Variants in ITGA8 observed in about 807,000 individuals in gnomAD.
The protein encoded by ITGA8 is integrin alpha-8.
Under a neutral mutation model 142.3 loss-of-function variants are expected in ITGA8, and 91 were observed. That is an observed-to-expected ratio of 0.64 (90% CI 0.54 to 0.76). ITGA8 has a LOEUF of 0.76. Among genes scored for constraint, ITGA8 ranks in the 30% least tolerant of loss-of-function variants. The pLI, the probability that ITGA8 is intolerant of heterozygous loss-of-function variation, is 0.00. For missense variants in ITGA8, 1,406 were observed against 1,327.7 expected, an observed-to-expected ratio of 1.06 and a Z score of -0.92; for synonymous variants, 505 against 485.2, an observed-to-expected ratio of 1.04 and a Z score of -0.54.
chr10:15,665,630 TA>T (rs1160441774), intron 8 of ITGA8, among the ~76,000 whole-genome samples: 1 of 152,234 alleles, frequency 6.6e-6, no homozygotes, highest in African/African-American at 2.4e-5. Context: ...GGTTTTCTTC[TA>T]GGGTTTTTAT....
At chr10:15,579,596 A>G (rs1424936304) in intron 23 of ITGA8, among the ~76,000 whole-genome samples, 1 of 152,102 alleles carries the variant, frequency 6.6e-6, no homozygotes, top group Non-Finnish European at 1.5e-5. Flanking sequence ...TTAATTGTAA[A>G]TTTTGAAAAG....
At chr10:15,630,455 A>C (rs2131633240) in intron 13 of ITGA8, among the ~76,000 whole-genome samples, 2 of 152,188 alleles carry the variant, frequency 1.3e-5, no homozygotes, top group East Asian at 3.9e-4. Flanking sequence ...GTCTCAACTA[A>C]TACAGTGTCC....
intron 2 of ITGA8, among the ~76,000 whole-genome samples, chr10:15,705,953 C>T (rs962029943): frequency 1.3e-5 from 2 of 152,146 alleles, no homozygotes; most frequent in Non-Finnish European, 2.9e-5. Context: ...CTCTTTTCTG[C>T]TCTTGTGTCT....
intron 15 of ITGA8, among the ~76,000 whole-genome samples, chr10:15,610,884 G>C: frequency 6.6e-6 from 1 of 152,118 alleles, no homozygotes; most frequent in Non-Finnish European, 1.5e-5. Flanking sequence ...CTAAAATGAA[G>C]TATTTCGCTA....
chr10:15,542,384 T>C (rs1833587360), intron 27 of ITGA8, among the ~76,000 whole-genome samples: 1 of 152,226 alleles, frequency 6.6e-6, no homozygotes, highest in African/African-American at 2.4e-5. Flanking sequence ...AATTTTAAAC[T>C]TTAGTCAAAT....
At chr10:15,668,741 C>T (rs1325908557) in intron 8 of ITGA8, among the ~76,000 whole-genome samples, 3 of 152,036 alleles carry the variant, frequency 2.0e-5, no homozygotes, top group African/African-American at 7.2e-5. Flanking sequence ...TCAGCATTTG[C>T]TTGTCTGTAA....
intron 13 of ITGA8, among the ~76,000 whole-genome samples, chr10:15,616,990 T>G (rs1833404234): frequency 6.6e-6 from 1 of 152,230 alleles, no homozygotes; most frequent in Admixed American, 6.5e-5. Context: ...TGGAACGTTC[T>G]GATTGTCATT....
chr10:15,641,701 G>A lies in ITGA8; in HGVS notation c.1399+2329C>T, dbSNP rs1466068070. ...GCATTGACGGGCCTGCCTTAGTAAAGAACATTTACTTCAGAGACAAGACGC... is the reference window on the plus strand; with the variant it reads ...GCATTGACGGGCCTGCCTTAGTAAAAAACATTTACTTCAGAGACAAGACGC... On this transcript the variant is annotated intron_variant, in intron 13 of 29. Transcript: ENST00000378076. Among the ~76,000 whole-genome samples, 4 of 152,118 alleles carry A rather than the reference G, an allele frequency of 2.6e-5. No homozygotes were observed. The East Asian group carries it at 7.7e-4, about 29-fold the overall frequency.
At position 15,646,899 on chromosome 10, in the gene ITGA8, C is replaced by T. The variant is rs1295269515; in HGVS notation, c.1154G>A (p.Arg385Lys). 5.6e-6 allele frequency: 9 copies of T among 1,614,068 alleles called. No individual in the cohort carries two copies. Among genetic ancestry groups the T allele is most frequent in the Non-Finnish European group, 7.6e-6 (9 of 1,180,008 alleles). The change falls in exon 12 of 30, where the codon AGA becomes AAA. Residue 385 changes from arginine (R) to lysine (K), a missense_variant. Coordinates refer to ENST00000378076, the MANE Select transcript of ITGA8 (RefSeq NM_003638.3). ...TAAGTGTGCCATAGCACTACCGAAT[C>T]TCCCAAACGTCTCGGTGCCAGTGAG... is the stretch of plus-strand genomic sequence containing the variant. ...QILTGTETFG[R>K]FGSAMAHLGD...
chr10:15,547,177 C>T (rs963271582), intron 27 of ITGA8, among the ~76,000 whole-genome samples: 26 of 152,112 alleles, frequency 1.7e-4, no homozygotes, highest in Admixed American at 1.2e-3. Flanking sequence ...AAAAATTCCT[C>T]CCCAAACAAT....
chr10:15,548,465 G>A lies in ITGA8; in HGVS notation c.2870C>T (p.Thr957Ile). 2 of 1,608,022 alleles carry A rather than the reference G, an allele frequency of 1.2e-6. No individual in the cohort carries two copies. The highest frequency in any genetic ancestry group is 1.7e-6 in the Non-Finnish European group (2 of 1,177,154). Reference protein sequence around the residue: ...LKVRSRLWAHTFLQRKNDPYA... With the variant: ...LKVRSRLWAHIFLQRKNDPYA... ...GTGGTTGTTTATTACCTGGAGGAAG[G>A]TGTGGGCCCATAATCGTGACCTGAC... The change falls in exon 27 of 30, where the codon ACC becomes ATC. Residue 957 changes from threonine (T) to isoleucine (I), a missense_variant. Physicochemically the swap from Thr to Ile is moderately conservative, Grantham distance 89. Transcript: ENST00000378076.
At chr10:15,547,220 C>T (rs373982776) in intron 27 of ITGA8, among the ~76,000 whole-genome samples, 5 of 152,136 alleles carry the variant, frequency 3.3e-5, no homozygotes, top group Middle Eastern at 3.2e-3. Context: ...ATTTAAATAG[C>T]GCTTTCCAAA....
intron 12 of ITGA8, among the ~76,000 whole-genome samples, chr10:15,644,698 T>C (rs542654213): frequency 3.2e-4 from 49 of 150,974 alleles, no homozygotes; most frequent in Non-Finnish European, 6.0e-4. Context: ...AAAAGCAGTA[T>C]CGAAACTCTA....
chr10:15,674,914 T>A (rs1302362058), intron 6 of ITGA8, among the ~76,000 whole-genome samples: 1 of 146,686 alleles, frequency 6.8e-6, no homozygotes, highest in African/African-American at 2.5e-5. Context: ...TACTCCAACC[T>A]GGGCAACAAA....
At chr10:15,553,817 A>G (rs569166535) in intron 26 of ITGA8, among the ~76,000 whole-genome samples, 4 of 152,242 alleles carry the variant, frequency 2.6e-5, no homozygotes, top group Non-Finnish European at 5.9e-5. Flanking sequence ...CCTGGCCAAC[A>G]TGCTGAAACC....
Position 15,711,657 on chromosome 10 carries a change from C to G in ITGA8, c.343+7109G>C, listed in dbSNP as rs144686446. 2.6e-3 allele frequency among the ~76,000 whole-genome samples: 403 copies of G among 152,092 alleles called. 3 individuals carry two copies. Among genetic ancestry groups the G allele is most frequent in the African/African-American group, 8.6e-3 (357 of 41,494 alleles). ...ATAGAAAGTTCCATCAACCTCCCCC[C>G]CAAAAGATTCCCTGCTATTACACCT... On this transcript the variant is annotated intron_variant, in intron 2 of 29. Transcript: ENST00000378076.
At chr10:15,701,447 G>A (rs1036034144) in intron 2 of ITGA8, among the ~76,000 whole-genome samples, 1 of 152,012 alleles carries the variant, frequency 6.6e-6, no homozygotes, top group Admixed American at 6.5e-5. Context: ...TCCATTTCTG[G>A]CCTTTGAAGC....
intron 23 of ITGA8, among the ~76,000 whole-genome samples, chr10:15,586,049 A>ATTTTTTTTTTTTTTTT (rs59435924): frequency 1.3e-5 from 1 of 76,816 alleles, no homozygotes; most frequent in African/African-American, 5.3e-5. Flanking sequence ...GAATAAAGTG[A>ATTTTTTTTTTTTTTTT]TTTTTTTTTT....
At chr10:15,680,216 C>CTTTTTTTTTTTTTTT (rs71374638) in intron 4 of ITGA8, among the ~76,000 whole-genome samples, 1 of 54,278 alleles carries the variant, frequency 1.8e-5, no homozygotes, top group African/African-American at 8.3e-5. Flanking sequence ...CCAGATGCTC[C>CTTTTTTTTTTTTTTT]TTTTTTTTTT....
Sources: allele counts gnomAD v4.1 joint callset (sites outside exome capture counted in the v4.1 genomes callset), GRCh38; gene constraint gnomAD v4.1.1; transcripts MANE v1.5; gene names NCBI Gene and HGNC (gene_info 2026-07-23, HGNC 2026-07-21).